Variants in MAPK11 observed in about 807,000 individuals in gnomAD.
The protein encoded by MAPK11 is MAP kinase 11.
A neutral mutation model predicts 52.2 loss-of-function variants in MAPK11; 44 were observed. The ratio of observed to expected loss-of-function variants is 0.84; its 90% CI spans 0.66 to 1.08. The LOEUF is 1.08. Among genes scored for constraint, MAPK11 ranks in the 50% least tolerant of loss-of-function variants. The pLI is 0.00. For synonymous variants in MAPK11, 233 were observed against 206.3 expected (o/e 1.13, Z -1.11); for missense variants, 436 against 494.7 (o/e 0.88, Z 1.13).
Position 50,264,762 on chromosome 22 carries a change from A to C in MAPK11, c.*186T>G. ...TGTGCCCAGACTCCTACACATGGCA[A>C]GCACATGTACACACATGTTTGTGCA... On this transcript the variant is annotated 3_prime_UTR_variant, in exon 12 of 12. Transcript: ENST00000330651. 1.8e-6 allele frequency: 1 copy of C among 567,844 alleles called. No individual in the cohort carries two copies. The highest frequency in any genetic ancestry group is 3.2e-6 in the Non-Finnish European group (1 of 316,316). The allele number at this position is 567,844 out of a possible 1,614,324, so 35.2% of individuals were successfully genotyped here.
intron 2 of MAPK11, 62 bp downstream of exon 2, chr22:50,267,757 AT>A: frequency 6.9e-7 from 1 of 1,449,796 alleles, no homozygotes; most frequent in South Asian, 1.3e-5. Flanking sequence ...TCGCCCGCCT[AT>A]TGGCTGCGCC....
Position 50,266,618 on chromosome 22 carries a change from G to A in MAPK11, c.611-7C>T, listed in dbSNP as rs200739739. ...CCCACGGACCAGATATCCACTGTGC[G>A]AGGGCGAGGGGACCTCCATCAGTGT... On this transcript the variant is annotated splice_polypyrimidine_tract_variant and splice_region_variant and intron_variant, in intron 7 of 11. Coordinates refer to ENST00000330651, the MANE Select transcript of MAPK11 (RefSeq NM_002751.7). The A allele has an allele frequency of 2.5e-4, 392 of 1,561,010 alleles. 3 individuals are homozygous for A. In the African/African-American group the frequency reaches 3.4e-3, roughly 14 times the overall value.
chr22:50,263,976 G>A lies in MAPK11; in HGVS notation c.*972C>T. 6.5e-6 allele frequency: 1 copy of A among 152,710 alleles called. No homozygotes were observed. Among genetic ancestry groups the A allele is most frequent in the Non-Finnish European group, 1.5e-5 (1 of 68,360 alleles). 9.5% of individuals were successfully genotyped at this position (152,710 alleles called of 1,614,324 possible). Reference sequence around the variant, plus strand: ...GCAGAGGTAGAGAGCGGGCCAGGGTGCAGGGCAGAAGTGTCCGAGTCCAAG... The same window carrying A: ...GCAGAGGTAGAGAGCGGGCCAGGGTACAGGGCAGAAGTGTCCGAGTCCAAG... On this transcript the variant is annotated 3_prime_UTR_variant, in exon 12 of 12. Coordinates refer to ENST00000330651, the MANE Select transcript of MAPK11 (RefSeq NM_002751.7).
chr22:50,265,203 G>T, intron 11 of MAPK11, 118 bp downstream of exon 11: 1 of 1,411,738 alleles, frequency 7.1e-7, no homozygotes. Context: ...GCCTGTGCTG[G>T]ACACCTGAAC....
Position 50,265,442 on chromosome 22 carries a change from A to G in MAPK11, c.894T>C (p.Ser298=). Residue 298 remains serine (S), a synonymous_variant, in exon 11 of 12, where the codon AGT becomes AGC. Coordinates refer to ENST00000330651, the MANE Select transcript of MAPK11 (RefSeq NM_002751.7). The part of the protein sequence containing the change: ...MLVLDSDQRV[S]AAEALAHAYF... ...AGGCGTGGGCCAGTGCCTCAGCTGC[A>G]CTGACCCTCTGGTCACTGTCCAGCA... 1 of 1,613,098 alleles carries G rather than the reference A, an allele frequency of 6.2e-7. No homozygotes were observed. Among genetic ancestry groups the G allele is most frequent in the Non-Finnish European group, 8.5e-7 (1 of 1,179,994 alleles).
rs2147270933 is a variant in MAPK11, at chr22:50,267,635, G to A, written c.247-8C>T. 1.3e-6 allele frequency: 2 copies of A among 1,535,556 alleles called. No individual in the cohort carries two copies. Among genetic ancestry groups the A allele is most frequent in the Non-Finnish European group, 8.8e-7 (1 of 1,142,432 alleles). ...GTCCAGAAGCCCGATGACCTAGGTGGCGGGGGGCGTCAGGGCCGGGCGACG... is the reference window on the plus strand; with the variant it reads ...GTCCAGAAGCCCGATGACCTAGGTGACGGGGGGCGTCAGGGCCGGGCGACG... On this transcript the variant is annotated splice_region_variant and splice_polypyrimidine_tract_variant and intron_variant, in intron 2 of 11. Transcript: ENST00000330651.
At chr22:50,265,288 C>G (rs777462400) in intron 11 of MAPK11, 33 bp downstream of exon 11, 1 of 1,609,596 alleles carries the variant, frequency 6.2e-7, no homozygotes. Context: ...CCCGCAGGCC[C>G]CTGGACCCAC....
chr22:50,265,678 C>T lies in MAPK11; in HGVS notation c.763-18G>A. 1 of 1,488,744 alleles carries T rather than the reference C, an allele frequency of 6.7e-7. No homozygotes were observed. Among genetic ancestry groups the T allele is most frequent in the Middle Eastern group, 1.8e-4 (1 of 5,502 alleles). 92.2% of individuals were successfully genotyped at this position (1,488,744 alleles called of 1,614,324 possible). A position where few individuals can be genotyped will look rare whatever the true frequency, so the allele number is the denominator to read the frequency against. ...GTCCGGGCCTGGGGGCACACAAGAA[C>T]ACCTGGGGAGGCTGCTCACTCTCTG... On this transcript the variant is annotated intron_variant, in intron 9 of 11. Coordinates refer to ENST00000330651, the MANE Select transcript of MAPK11 (RefSeq NM_002751.7).
intron 1 of MAPK11, 147 bp from the exon 2 acceptor site, chr22:50,268,096 C>T (rs746274920): frequency 7.1e-4 from 711 of 1,002,882 alleles, no homozygotes; most frequent in Non-Finnish European, 9.1e-4. Flanking sequence ...CCAGCTCGGC[C>T]TCCCACCCTC....
At chr22:50,267,681 C>G in intron 2 of MAPK11, 54 bp from the exon 3 acceptor site, 1 of 1,484,364 alleles carries the variant, frequency 6.7e-7, no homozygotes, top group Non-Finnish European at 8.9e-7. Context: ...TGTCGTTCAG[C>G]TCCCCCCGGG....
intron 1 of MAPK11, among the ~76,000 whole-genome samples, chr22:50,269,245 A>T (rs1691474732): frequency 6.6e-6 from 1 of 152,124 alleles, no homozygotes; most frequent in African/African-American, 2.4e-5. Flanking sequence ...ATGGAAGGCT[A>T]GGGACCACAC....
At chr22:50,267,329 C>A (rs2065271595) in intron 4 of MAPK11, 42 bp downstream of exon 4, 1 of 1,586,934 alleles carries the variant, frequency 6.3e-7, no homozygotes, top group Non-Finnish European at 8.6e-7. Context: ...CCGGCCCGCC[C>A]GCCCCCCTGC....
chr22:50,270,042 A>G lies in MAPK11; in HGVS notation c.116+135T>C. On this transcript the variant is annotated intron_variant, in intron 1 of 11. Transcript: ENST00000330651. This position sits in a 1 kb window ranked among gnomAD's most constrained non-coding sequence, Gnocchi z 6.3. ...ACCCCCGCCCCCCCATTCATTCCTC[A>G]GATCCGCTTGGCGCCCGGGGGCGGA... is the stretch of plus-strand genomic sequence containing the variant. 1 of 269,408 alleles carries G rather than the reference A, an allele frequency of 3.7e-6. No homozygotes were observed. The highest frequency in any genetic ancestry group is 6.8e-6 in the Non-Finnish European group (1 of 147,682). 16.7% of individuals were successfully genotyped at this position (269,408 alleles called of 1,614,324 possible).
chr22:50,269,706 G>C (rs1046888125), intron 1 of MAPK11, among the ~76,000 whole-genome samples: 1 of 152,218 alleles, frequency 6.6e-6, no homozygotes, highest in African/African-American at 2.4e-5. Flanking sequence ...ATCCCAGGGG[G>C]AGAGATCTTG....
At position 50,265,917 on chromosome 22, in the gene MAPK11, G is replaced by C. The variant is rs928718747; in HGVS notation, c.763-257C>G. ...CCACTGCCCTGGCCAGGCACTGCTT[G>C]CTGGGGTCCCCCAGCCCACCCCCAC... On this transcript the variant is annotated intron_variant, in intron 9 of 11. Coordinates refer to ENST00000330651, the MANE Select transcript of MAPK11 (RefSeq NM_002751.7). Among the ~76,000 whole-genome samples, 22 of 125,408 alleles carry C rather than the reference G, an allele frequency of 1.8e-4. 1 individual carries two copies. The highest frequency in any genetic ancestry group is 3.4e-4 in the Non-Finnish European group (20 of 58,734). The allele number at this position is 125,408 out of a possible 152,430, so 82.3% of individuals were successfully genotyped here.
Position 50,265,639 on chromosome 22 carries a change from GGGACT to G in MAPK11, c.779_783del (p.Gln260ProfsTer33). ...AGGTCCTTCTGGGGCATGGGGGGCA[GGGACT>G]GGATATATGTCCGGGCCTGGGGGCA... On this transcript the variant is annotated frameshift_variant, in exon 10 of 12. Transcript: ENST00000330651. LOFTEE classifies it high-confidence loss of function. 1 of 1,595,442 alleles carries G rather than the reference GGGACT, an allele frequency of 6.3e-7. No individual in the cohort carries two copies. Among genetic ancestry groups the G allele is most frequent in the South Asian group, 1.1e-5 (1 of 88,410 alleles).
rs61760605 is a variant in MAPK11 at position 50,263,901 on chromosome 22, C to T, written c.*1047G>A. 1 of 152,624 alleles carries T rather than the reference C, an allele frequency of 6.6e-6. No homozygotes were observed. The highest frequency in any genetic ancestry group is 1.5e-5 in the Non-Finnish European group (1 of 68,304). The allele number at this position is 152,624 out of a possible 1,614,324, so 9.5% of individuals were successfully genotyped here. ...TCCTGGGACAAGGAAAGAGGACTGA[C>T]CCACAGACCAGAGCACCTCAGATCT... On this transcript the variant is annotated 3_prime_UTR_variant, in exon 12 of 12. Transcript: ENST00000330651.
chr22:50,266,704 G>A, intron 7 of MAPK11, 93 bp from the exon 8 acceptor site: 1 of 1,276,728 alleles, frequency 7.8e-7, no homozygotes. Flanking sequence ...AAGATGGGCA[G>A]ACCCCCTCCT....
chr22:50,268,030 C>T (rs2065280795), intron 1 of MAPK11, 81 bp from the exon 2 acceptor site: 1 of 1,390,400 alleles, frequency 7.2e-7, no homozygotes. Context: ...GCGTCCCTCT[C>T]GCCGCTTCTC....
Sources: allele counts gnomAD v4.1 joint callset (sites outside exome capture counted in the v4.1 genomes callset), GRCh38; gene constraint gnomAD v4.1.1; non-coding constraint Gnocchi (gnomAD v3.1); transcripts MANE v1.5; gene names NCBI Gene and HGNC (gene_info 2026-07-23, HGNC 2026-07-21).